The following NKX2-2 variants were observed in gnomAD, a reference collection of about 807,000 sequenced individuals.
NKX2-2 encodes the protein NK2 homeobox 2.
Under a neutral mutation model 24.6 loss-of-function variants are expected in NKX2-2, and 8 were observed. The observed-to-expected ratio is 0.32, with a 90% CI of 0.19 to 0.59. The LOEUF (loss-of-function observed/expected upper bound fraction) is 0.59, where lower values mean the gene tolerates loss of function less well. Among genes scored for constraint, NKX2-2 ranks in the 20% least tolerant of loss-of-function variants. The pLI, the probability that NKX2-2 is intolerant of heterozygous loss-of-function variation, is 0.86. For synonymous variants in NKX2-2, 217 were observed against 173.3 expected, an observed-to-expected ratio of 1.25 and a Z score of -1.98; for missense variants, 381 against 373.9, an observed-to-expected ratio of 1.02 and a Z score of -0.16.
chr20:21,521,359 G>A, the NKX2-2 span, among the ~76,000 whole-genome samples: 1 of 152,120 alleles, frequency 6.6e-6, no homozygotes, highest in African/African-American at 2.4e-5. Context: ...GGACCCCACC[G>A]AGGTTCATTT....
Position 21,513,590 on chromosome 20 carries a change from G to C in NKX2-2, c.80C>G (p.Ser27Cys). The C allele has an allele frequency of 6.2e-7, 1 of 1,613,572 alleles. No homozygotes were observed. Among genetic ancestry groups the C allele is most frequent in the Non-Finnish European group, 8.5e-7 (1 of 1,179,738 alleles). ...CTCTTCCTCCGGACCTTCGGCCACA[G>C]AGCCCTCCTCATCGTTGGTGTCCGG... Reference protein sequence around the residue: ...DLPDTNDEEGSVAEGPEEENE... With the variant: ...DLPDTNDEEGCVAEGPEEENE... Residue 27 changes from serine to cysteine, a missense_variant, in exon 1 of 2, where the codon TCT becomes TGT. Ser to Cys is a moderately radical substitution (Grantham distance 112). Transcript: ENST00000377142. The surrounding 1 kb of genome is among the most constrained non-coding windows in gnomAD (Gnocchi z 4.6).
chr20:21,512,430 C>A lies in NKX2-2; in HGVS notation c.315G>T (p.Glu105Asp). The change falls in exon 2 of 2, where the codon GAG (glutamate) becomes GAT (aspartate). Residue 105 changes from glutamate (E) to aspartate (D), a missense_variant. By Grantham distance (45) the Glu-to-Asp change is conservative. Transcript: ENST00000377142. Reference protein sequence around the residue: ...PPQDSSSKSPEPSADESPDND... With the variant: ...PPQDSSSKSPDPSADESPDND... ...TGTCCGGTGACTCGTCGGCCGAGGGCTCCGGGGACTTGGAGCTTGAGTCCT... is the reference window on the plus strand; with the variant it reads ...TGTCCGGTGACTCGTCGGCCGAGGGATCCGGGGACTTGGAGCTTGAGTCCT... The A allele has an allele frequency of 6.3e-7, 1 of 1,591,344 alleles. No individual in the cohort carries two copies.
the NKX2-2 span, among the ~76,000 whole-genome samples, chr20:21,519,804 G>C: frequency 1.3e-5 from 2 of 152,206 alleles, no homozygotes; most frequent in Admixed American, 6.5e-5. Context: ...AATCCCTTCT[G>C]TCTGTGGGGT....
At chr20:21,514,524 G>A (rs1980566330), upstream of NKX2-2, among the ~76,000 whole-genome samples, 1 of 152,164 alleles carries the variant, frequency 6.6e-6, no homozygotes, top group East Asian at 1.9e-4. Flanking sequence ...GAGGAGGAGG[G>A]GAGAAAACAA....
rs751873177 is a variant in NKX2-2, at chr20:21,513,364, AGGAAT to A, written c.259+42_259+46del. 2 of 1,480,056 alleles carry A rather than the reference AGGAAT, an allele frequency of 1.4e-6. No individual in the cohort carries two copies. The highest frequency in any genetic ancestry group is 9.0e-7 in the Non-Finnish European group (1 of 1,114,356). 91.7% of individuals were successfully genotyped at this position (1,480,056 alleles called of 1,614,324 possible). A position where few individuals can be genotyped will look rare whatever the true frequency, so the allele number is the denominator to read the frequency against. ...AGCGTCCAACCCGGGCTGCGGCTGC[AGGAAT>A]GGAGGGGACCACGGCCTCGGCAGCC... On this transcript the variant is annotated intron_variant, in intron 1 of 1. Coordinates refer to ENST00000377142, the MANE Select transcript of NKX2-2 (RefSeq NM_002509.4). This position sits in a 1 kb window ranked among gnomAD's most constrained non-coding sequence, Gnocchi z 4.6.
chr20:21,517,738 C>G (rs117940609), upstream of NKX2-2, among the ~76,000 whole-genome samples: 1 of 152,172 alleles, frequency 6.6e-6, no homozygotes. Context: ...AGGCGCCAAA[C>G]GCACCTTTTC....
At position 21,513,334 on chromosome 20, in the gene NKX2-2, C is replaced by T; in HGVS notation, c.259+77G>A. The stretch of plus-strand genomic sequence containing the variant: ...GCTTACATGGCCCCTTCCCCTTTCA[C>T]TCCCAGCGTCCAACCCGGGCTGCGG... On this transcript the variant is annotated intron_variant, in intron 1 of 1. Transcript: ENST00000377142. This position sits in a 1 kb window ranked among gnomAD's most constrained non-coding sequence, Gnocchi z 4.6. The T allele has an allele frequency of 6.9e-7, 1 of 1,451,354 alleles. No homozygotes were observed. Among genetic ancestry groups the T allele is most frequent in the Non-Finnish European group, 9.1e-7 (1 of 1,094,352 alleles). The allele number at this position is 1,451,354 out of a possible 1,614,324, so 89.9% of individuals were successfully genotyped here. A position where few individuals can be genotyped will look rare whatever the true frequency, so the allele number is the denominator to read the frequency against.
chr20:21,514,526 A>T (rs1248187599), upstream of NKX2-2, among the ~76,000 whole-genome samples: 4 of 152,052 alleles, frequency 2.6e-5, no homozygotes, highest in Non-Finnish European at 5.9e-5. Context: ...GGAGGAGGGG[A>T]GAAAACAAAA....
chr20:21,514,967 C>A (rs927683716), upstream of NKX2-2, among the ~76,000 whole-genome samples: 2 of 151,822 alleles, frequency 1.3e-5, no homozygotes, highest in South Asian at 2.1e-4. Flanking sequence ...CGCCTCCCCC[C>A]ACCTCCCACC....
chr20:21,521,033 C>A, the NKX2-2 span, among the ~76,000 whole-genome samples: 24 of 152,108 alleles, frequency 1.6e-4, no homozygotes, highest in African/African-American at 5.8e-4. Flanking sequence ...GTCGGGCAGG[C>A]TGATGTGAAA....
At position 21,512,190 on chromosome 20, in the gene NKX2-2, G is replaced by A. The variant is rs1401950307; in HGVS notation, c.555C>T (p.Arg185=). The change falls in exon 2 of 2, where the codon CGC becomes CGT. Residue 185 remains arginine, a synonymous_variant. Transcript: ENST00000377142. The part of the protein sequence containing the change: ...WFQNHRYKMK[R]ARAEKGMEVT... ...CCTCCATACCTTTCTCGGCCCGGGC[G>A]CGCTTCATCTTGTAGCGGTGGTTCT... The A allele has an allele frequency of 1.2e-6, 2 of 1,613,966 alleles. No homozygotes were observed. Among genetic ancestry groups the A allele is most frequent in the East Asian group, 2.2e-5 (1 of 44,872 alleles).
At chr20:21,520,742 A>G in the NKX2-2 span, among the ~76,000 whole-genome samples, 2 of 152,136 alleles carry the variant, frequency 1.3e-5, no homozygotes, top group Admixed American at 6.5e-5. Flanking sequence ...CCCCTGGGCG[A>G]ACTCCTTGGC....
the NKX2-2 span, among the ~76,000 whole-genome samples, chr20:21,520,679 C>G: frequency 1.2e-4 from 19 of 152,192 alleles, no homozygotes; most frequent in Non-Finnish European, 2.6e-4. Context: ...CCAAACGAGC[C>G]TGTCCCAGCC....
the NKX2-2 span, among the ~76,000 whole-genome samples, chr20:21,520,863 G>A: frequency 6.6e-6 from 1 of 152,182 alleles, no homozygotes; most frequent in African/African-American, 2.4e-5. Flanking sequence ...CCCCGGATGA[G>A]GGCGATTTCA....
At position 21,513,859 on chromosome 20, in the gene NKX2-2, GAA is replaced by G; in HGVS notation, c.-192_-191del. ...AGAGAAAGAAACTGGGGATGGGGAG[GAA>G]AAAAATGAAGCCCAACCCAGTGCCT... On this transcript the variant is annotated 5_prime_UTR_variant, in exon 1 of 2. Transcript: ENST00000377142. The surrounding 1 kb of genome is among the most constrained non-coding windows in gnomAD (Gnocchi z 4.6). 2.1e-6 allele frequency: 1 copy of G among 468,796 alleles called. No homozygotes were observed. 29.0% of individuals were successfully genotyped at this position (468,796 alleles called of 1,614,324 possible). A position where few individuals can be genotyped will look rare whatever the true frequency, so the allele number is the denominator to read the frequency against.
At chr20:21,518,225 G>A (rs1468834934), upstream of NKX2-2, among the ~76,000 whole-genome samples, 1 of 152,212 alleles carries the variant, frequency 6.6e-6, no homozygotes, top group African/African-American at 2.4e-5. Context: ...TGTCTCCTTA[G>A]CGTCCCGAAC....
In NKX2-2 at chr20:21,511,743, C is replaced by T; in HGVS notation, c.*180G>A. ...GCAGAGCTGGGTGGGTGGAATCTGCCACTCCAAGGAGACGCAGGCAACCTC... is the reference window on the plus strand; with the variant it reads ...GCAGAGCTGGGTGGGTGGAATCTGCTACTCCAAGGAGACGCAGGCAACCTC... On this transcript the variant is annotated 3_prime_UTR_variant, in exon 2 of 2. Transcript: ENST00000377142. The T allele has an allele frequency of 2.0e-6, 1 of 493,980 alleles. No individual in the cohort carries two copies. Among genetic ancestry groups the T allele is most frequent in the Non-Finnish European group, 3.5e-6 (1 of 286,052 alleles). The allele number at this position is 493,980 out of a possible 1,614,324, so 30.6% of individuals were successfully genotyped here.
At chr20:21,517,610 G>A (rs1279412581), upstream of NKX2-2, among the ~76,000 whole-genome samples, 2 of 152,218 alleles carry the variant, frequency 1.3e-5, no homozygotes, top group African/African-American at 4.8e-5. Flanking sequence ...GCGGCCTGTG[G>A]ACGCCGGGAG....
At chr20:21,515,776 C>G (rs1980620844), upstream of NKX2-2, among the ~76,000 whole-genome samples, 1 of 152,138 alleles carries the variant, frequency 6.6e-6, no homozygotes, top group African/African-American at 2.4e-5. Flanking sequence ...CGCGCGGGCA[C>G]CGGGTCCTCC....
Sources: allele counts gnomAD v4.1 joint callset (sites outside exome capture counted in the v4.1 genomes callset), GRCh38; gene constraint gnomAD v4.1.1; non-coding constraint Gnocchi (gnomAD v3.1); transcripts MANE v1.5; gene names NCBI Gene and HGNC (gene_info 2026-07-23, HGNC 2026-07-21).